Variants in RP2 observed in about 807,000 individuals in gnomAD.
RP2 encodes RP2 activator of ARL3 GTPase.
In RP2, 3 loss-of-function variants were observed where a neutral mutation model predicts 20.3. The ratio of observed to expected loss-of-function variants is 0.15; its 90% CI spans 0.07 to 0.38. The LOEUF (loss-of-function observed/expected upper bound fraction) is 0.38. RP2 is among the 10% of genes least tolerant of loss of function. The probability of loss-of-function intolerance (pLI) is 1.00; values close to 1 mark genes in which losing one functional copy is unlikely to be tolerated. For synonymous variants in RP2, 75 were observed against 94.8 expected, an observed-to-expected ratio of 0.79 and a Z score of 1.22; for missense variants, 233 against 268.5, an observed-to-expected ratio of 0.87 and a Z score of 0.92.
At chrX:46,862,520 C>T (rs955452259) in intron 3 of RP2, among the ~76,000 whole-genome samples, 2 of 108,237 alleles carry the variant, frequency 1.8e-5, no homozygotes, top group African/African-American at 6.8e-5. Flanking sequence ...ATTAGCCGGG[C>T]GTGGTGGCGG....
rs1569532516 is a variant in RP2 at position 46,880,031 on chromosome X, T to A, written c.*262T>A. 4.8e-6 allele frequency: 1 copy of A among 208,283 alleles called. No individual in the cohort carries two copies. Among genetic ancestry groups the A allele is most frequent in the Non-Finnish European group, 8.6e-6 (1 of 116,056 alleles). The allele number at this position is 208,283 out of a possible 1,213,427, so 17.2% of individuals were successfully genotyped here. ...AGTTTTGTTTCTCTGCATATGATAT[T>A]CTTATTAGAAAACAGAAGTAGCTAA... On this transcript the variant is annotated 3_prime_UTR_variant, in exon 5 of 5. Coordinates refer to ENST00000218340, the MANE Select transcript of RP2 (RefSeq NM_006915.3).
chrX:46,870,417 T>C (rs782798808), intron 3 of RP2, among the ~76,000 whole-genome samples: 16 of 110,834 alleles, frequency 1.4e-4, no homozygotes, highest in Non-Finnish European at 2.8e-4. Context: ...CCCCCAGCTA[T>C]TTTTTTAAAC....
chrX:46,877,053 CT>C (rs1458831100), intron 3 of RP2, among the ~76,000 whole-genome samples: 1 of 112,244 alleles, frequency 8.9e-6, no homozygotes, highest in Non-Finnish European at 1.9e-5. Context: ...TTTGGCTTAG[CT>C]TCATTATTGG....
chrX:46,855,120 C>T (rs782035758), intron 2 of RP2, among the ~76,000 whole-genome samples: 183 of 111,074 alleles, frequency 1.6e-3, no homozygotes, highest in Non-Finnish European at 2.3e-3. Context: ...TGAGAGCAAC[C>T]TCCACATTAC....
rs1924867309 is a variant in RP2, at chrX:46,851,860, A to T, written c.103-1616A>T. ...GGCGGGCAGATCACGAGGTCAGGAG[A>T]TCAAGACCATCCTGGGTAACACAGT... is the stretch of plus-strand genomic sequence containing the variant. On this transcript the variant is annotated intron_variant, in intron 1 of 4. Transcript: ENST00000218340. Among the ~76,000 whole-genome samples the T allele has an allele frequency of 3.6e-5, 4 of 110,414 alleles. No homozygotes were observed. In the South Asian group the frequency reaches 1.5e-3, roughly 42 times the overall value.
chrX:46,845,584 T>C (rs1374006400), intron 1 of RP2, among the ~76,000 whole-genome samples: 4 of 111,759 alleles, frequency 3.6e-5, no homozygotes, highest in African/African-American at 9.8e-5. Flanking sequence ...TTCCTTTGTA[T>C]AGTCAGTTTG....
chrX:46,877,542 T>G lies in RP2; in HGVS notation c.921T>G (p.Ala307=). Residue 307 remains alanine (A), a synonymous_variant, in exon 4 of 5, where the codon GCT becomes GCG. Coordinates refer to ENST00000218340, the MANE Select transcript of RP2 (RefSeq NM_006915.3). ...CCTTGGAGTTTAATGGGGATGGTGC[T>G]GTAGAAGTATGTCAACTTATTGTAA... ...VIALEFNGDG[A]VEVCQLIVNE... 1 of 1,206,984 alleles carries G rather than the reference T, an allele frequency of 8.3e-7. No individual in the cohort carries two copies. The highest frequency in any genetic ancestry group is 1.1e-6 in the Non-Finnish European group (1 of 890,850).
At chrX:46,847,434 T>A (rs1483776026) in intron 1 of RP2, among the ~76,000 whole-genome samples, 2 of 109,201 alleles carry the variant, frequency 1.8e-5, no homozygotes, top group African/African-American at 3.3e-5. Flanking sequence ...CATCTAGGAA[T>A]TTTTTTTCTT....
intron 1 of RP2, among the ~76,000 whole-genome samples, chrX:46,847,767 T>TATGTGTGTGTGTATACACACAC (rs781898428): frequency 2.9e-5 from 2 of 68,515 alleles, no homozygotes; most frequent in Non-Finnish European, 5.1e-5. Context: ...TATACACACA[T>TATGTGTGTGTGTATACACACAC]GTGTGTGTGT....
At chrX:46,852,251 A>AGAGGAAGGGAGGGAGG (rs1251507140) in intron 1 of RP2, among the ~76,000 whole-genome samples, 11 of 109,515 alleles carry the variant, frequency 1.0e-4, no homozygotes, top group Admixed American at 9.8e-4. Context: ...GGGAAGGAAG[A>AGAGGAAGGGAGGGAGG]GAGGAAGGGA....
chrX:46,873,222 C>T (rs1768549059), intron 3 of RP2, among the ~76,000 whole-genome samples: 1 of 111,388 alleles, frequency 9.0e-6, no homozygotes. Flanking sequence ...GACATAGTGG[C>T]TTGTTCCAAG....
chrX:46,846,532 A>G (rs782034095), intron 1 of RP2, among the ~76,000 whole-genome samples: 1 of 110,513 alleles, frequency 9.0e-6, no homozygotes, highest in South Asian at 3.8e-4. Context: ...AGCTGCAGTG[A>G]GCTCTGATTG....
At chrX:46,878,064 T>TCAGA (rs1925401968) in intron 4 of RP2, among the ~76,000 whole-genome samples, 1 of 111,138 alleles carries the variant, frequency 9.0e-6, no homozygotes, top group Non-Finnish European at 1.9e-5. Context: ...AAATTGAACT[T>TCAGA]CAGATATACA....
Position 46,853,802 on chromosome X carries a change from C to A in RP2, c.429C>A (p.Ile143=). ...CCATCATTGAGTCTTCCTCAAATAT[C>A]AAATTTGGATGTTTTCAATGGTACT... ...TQPIIESSSN[I]KFGCFQWYYP... is the part of the protein sequence containing the mutation. Residue 143 remains isoleucine (I), a synonymous_variant, in exon 2 of 5, where the codon ATC becomes ATA. Coordinates refer to ENST00000218340, the MANE Select transcript of RP2 (RefSeq NM_006915.3). 4 of 1,211,710 alleles carry A rather than the reference C, an allele frequency of 3.3e-6. No homozygotes were observed. Among genetic ancestry groups the A allele is most frequent in the Middle Eastern group, 2.3e-4 (1 of 4,354 alleles).
At chrX:46,871,689 A>G (rs1191560258) in intron 3 of RP2, among the ~76,000 whole-genome samples, 1 of 111,984 alleles carries the variant, frequency 8.9e-6, no homozygotes, top group Non-Finnish European at 1.9e-5. Context: ...TGAATTTTCT[A>G]TAAATGTCCA....
intron 3 of RP2, among the ~76,000 whole-genome samples, chrX:46,876,953 T>C (rs1925381548): frequency 8.9e-6 from 1 of 112,276 alleles, no homozygotes; most frequent in African/African-American, 3.2e-5. Context: ...ATAAAAACTT[T>C]GTCTATGTTT....
chrX:46,863,035 A>T (rs916217681), intron 3 of RP2, among the ~76,000 whole-genome samples: 3 of 112,316 alleles, frequency 2.7e-5, no homozygotes, highest in Non-Finnish European at 5.6e-5. Flanking sequence ...GAAAACAAAA[A>T]ATATGGGGGA....
At chrX:46,877,824 A>C (rs1556327941) in intron 4 of RP2, among the ~76,000 whole-genome samples, 1 of 111,033 alleles carries the variant, frequency 9.0e-6, no homozygotes, top group African/African-American at 3.3e-5. Context: ...TTAATTGTTT[A>C]AAATAATTAC....
chrX:46,864,346 TC>T (rs1283064427), intron 3 of RP2, among the ~76,000 whole-genome samples: 1 of 102,462 alleles, frequency 9.8e-6, no homozygotes, highest in Non-Finnish European at 2.0e-5. Context: ...TTCCTTCCTT[TC>T]TTTTTTTTTT....
Sources: gnomAD v4.1 joint callset for allele counts (sites outside exome capture counted in the v4.1 genomes callset) on GRCh38, gnomAD v4.1.1 for gene constraint, MANE v1.5 for transcripts, NCBI Gene and HGNC (gene_info 2026-07-23, HGNC 2026-07-21) for gene names.